Variants in ASTN2 observed in about 807,000 individuals in gnomAD.
ASTN2 encodes the protein astrotactin-2.
ASTN2 carries 54 observed loss-of-function variants against 139.8 expected under a neutral mutation model. That is an observed-to-expected ratio of 0.39 (90% confidence interval 0.31 to 0.48). The LOEUF is 0.48. Among genes scored for constraint, ASTN2 ranks in the 20% least tolerant of loss-of-function variants. The pLI, the probability that ASTN2 is intolerant of heterozygous loss-of-function variation, is 0.95. For synonymous variants in ASTN2, 756 were observed against 719.5 expected (o/e 1.05, Z -0.81); for missense variants, 1,565 against 1,725.1 (o/e 0.91, Z 1.64).
intron 8 of ASTN2, among the ~76,000 whole-genome samples, chr9:116,976,475 A>G (rs1310133436): frequency 6.6e-6 from 1 of 152,208 alleles, no homozygotes; most frequent in Non-Finnish European, 1.5e-5. Context: ...CAGGTGACTT[A>G]AATGTCAGCC....
chr9:117,379,066 C>T (rs957903532), intron 1 of ASTN2, among the ~76,000 whole-genome samples: 2 of 152,140 alleles, frequency 1.3e-5, no homozygotes, highest in African/African-American at 4.8e-5. Flanking sequence ...GAGGACTCCT[C>T]AGAAGCAGAA....
intron 1 of ASTN2, among the ~76,000 whole-genome samples, chr9:117,387,853 C>A (rs2130939282): frequency 6.6e-6 from 1 of 152,298 alleles, no homozygotes; most frequent in South Asian, 2.1e-4. Flanking sequence ...CCTAAAACTA[C>A]TTCCATGATC....
intron 10 of ASTN2, among the ~76,000 whole-genome samples, chr9:116,865,286 T>C (rs970072929): frequency 1.3e-5 from 2 of 151,556 alleles, no homozygotes; most frequent in South Asian, 4.2e-4. Context: ...GCTTAGAAAA[T>C]GAGGCAAAAC....
intron 16 of ASTN2, among the ~76,000 whole-genome samples, chr9:116,713,630 T>C (rs1403838612): frequency 1.3e-5 from 2 of 152,156 alleles, no homozygotes; most frequent in Non-Finnish European, 2.9e-5. Context: ...AGTGCCCACT[T>C]TGGCTAAGTA....
chr9:116,714,298 C>T (rs1828251315), intron 16 of ASTN2, among the ~76,000 whole-genome samples: 3 of 152,150 alleles, frequency 2.0e-5, no homozygotes, highest in Admixed American at 1.3e-4. Flanking sequence ...CAGGGAGAAA[C>T]AGCCATGACA....
In ASTN2 at chr9:116,923,533, T is replaced by C. The variant is rs151016553; in HGVS notation, c.1889+51675A>G. Among the ~76,000 whole-genome samples, 38 of 152,344 alleles carry C rather than the reference T, an allele frequency of 2.5e-4. 1 individual carries two copies. The East Asian group carries it at 7.3e-3, about 29-fold the overall frequency. ...TGAGAAAAGGTGAGTGAGGAGTAGA[T>C]AGCTATACAAAACTATTTTGTGATA... On this transcript the variant is annotated intron_variant, in intron 10 of 22. Coordinates refer to ENST00000313400, the MANE Select transcript of ASTN2 (RefSeq NM_001365068.1).
chr9:116,983,990 C>A (rs1928997), intron 7 of ASTN2, among the ~76,000 whole-genome samples: 2 of 152,104 alleles, frequency 1.3e-5, no homozygotes, highest in Admixed American at 6.5e-5. Flanking sequence ...TGATATGCAG[C>A]GTTATTTTGG....
intron 13 of ASTN2, among the ~76,000 whole-genome samples, chr9:116,741,763 T>C (rs1829101936): frequency 6.6e-6 from 1 of 152,200 alleles, no homozygotes; most frequent in Non-Finnish European, 1.5e-5. Flanking sequence ...CTGGTGGTGA[T>C]AAATTGATGC....
chr9:117,110,228 C>T (rs1829216564), intron 4 of ASTN2, among the ~76,000 whole-genome samples: 1 of 152,014 alleles, frequency 6.6e-6, no homozygotes, highest in African/African-American at 2.4e-5. Flanking sequence ...TTATACGGTC[C>T]TTTTGGGAAG....
At chr9:116,841,377 G>A (rs1832253433) in intron 11 of ASTN2, among the ~76,000 whole-genome samples, 1 of 150,024 alleles carries the variant, frequency 6.7e-6, no homozygotes, top group African/African-American at 2.5e-5. Flanking sequence ...GAAAGAGAGG[G>A]AGAGGGAGAG....
At chr9:117,022,801 C>T (rs759009914) in intron 6 of ASTN2, among the ~76,000 whole-genome samples, 4 of 151,962 alleles carry the variant, frequency 2.6e-5, no homozygotes, top group Non-Finnish European at 1.5e-5. Flanking sequence ...TGCAAGAGTG[C>T]TATGGTGGAT....
intron 16 of ASTN2, among the ~76,000 whole-genome samples, chr9:116,662,340 A>G (rs893476609): frequency 1.3e-5 from 2 of 152,312 alleles, no homozygotes; most frequent in East Asian, 3.9e-4. Flanking sequence ...TGGGAGGCTA[A>G]GGTGGGCGGA....
intron 5 of ASTN2, among the ~76,000 whole-genome samples, chr9:117,081,778 A>G (rs1828435021): frequency 6.6e-6 from 1 of 152,172 alleles, no homozygotes; most frequent in Non-Finnish European, 1.5e-5. Flanking sequence ...ACATGTGGCA[A>G]GGGCTTCAGA....
chr9:116,551,368 A>G (rs774424080), intron 19 of ASTN2, among the ~76,000 whole-genome samples: 4 of 152,158 alleles, frequency 2.6e-5, no homozygotes, highest in Non-Finnish European at 5.9e-5. Flanking sequence ...CAATGTGCAT[A>G]TCCCATTCCC....
At chr9:116,663,225 A>G (rs1858665103) in intron 16 of ASTN2, among the ~76,000 whole-genome samples, 3 of 152,140 alleles carry the variant, frequency 2.0e-5, no homozygotes, top group Middle Eastern at 3.4e-3. Flanking sequence ...TTAGATAAAG[A>G]CTCCCAGATT....
intron 17 of ASTN2, among the ~76,000 whole-genome samples, chr9:116,622,919 C>G (rs544166943): frequency 6.6e-6 from 1 of 152,218 alleles, no homozygotes; most frequent in Non-Finnish European, 1.5e-5. Flanking sequence ...AAACCAGATG[C>G]GACTGCATGA....
At chr9:116,723,338 C>T (rs1385719966) in intron 16 of ASTN2, among the ~76,000 whole-genome samples, 45 of 152,150 alleles carry the variant, frequency 3.0e-4, no homozygotes, top group Non-Finnish European at 1.5e-5. Context: ...AAAAGCCATG[C>T]AAGAGAATTA....
chr9:116,690,145 C>T (rs965384466), intron 16 of ASTN2, among the ~76,000 whole-genome samples: 10 of 152,210 alleles, frequency 6.6e-5, no homozygotes, highest in African/African-American at 2.4e-4. Context: ...AAACTCCTTA[C>T]TCTAATTTCC....
At chr9:116,716,751 A>G (rs1205315833) in intron 16 of ASTN2, among the ~76,000 whole-genome samples, 1 of 152,188 alleles carries the variant, frequency 6.6e-6, no homozygotes, top group African/African-American at 2.4e-5. Context: ...GTAAGGTTTG[A>G]CTTTACTTTA....
Sources: allele counts gnomAD v4.1 joint callset (sites outside exome capture counted in the v4.1 genomes callset), GRCh38; gene constraint gnomAD v4.1.1; transcripts MANE v1.5; gene names NCBI Gene and HGNC (gene_info 2026-07-23, HGNC 2026-07-21).